MYT1: variants seen among roughly 807,000 people sequenced by gnomAD.
MYT1 encodes the protein myelin transcription factor 1.
In MYT1, 23 loss-of-function variants were observed where a neutral mutation model predicts 123.0. The observed-to-expected ratio is 0.19, with a 90% confidence interval of 0.13 to 0.26. MYT1 has a LOEUF of 0.26. Ranked by LOEUF, MYT1 falls within the 10% of genes least tolerant of loss-of-function variation. The pLI is 1.00. For synonymous variants in MYT1, 518 were observed against 575.3 expected, an observed-to-expected ratio of 0.90 and a Z score of 1.43; for missense variants, 1,125 against 1,472.5, an observed-to-expected ratio of 0.76 and a Z score of 3.86.
chr20:64,236,217 T>C (rs1485201175), intron 19 of MYT1, among the ~76,000 whole-genome samples: 408 of 45,362 alleles, frequency 9.0e-3, no homozygotes, highest in Admixed American at 0.018. Flanking sequence ...CTGGGCTGGC[T>C]GTGGTGGGTG....
rs150904429 is a variant in MYT1 at position 64,173,752 on chromosome 20, C to T, written c.-99+9013C>T. 6.7e-4 allele frequency among the ~76,000 whole-genome samples: 25 copies of T among 37,490 alleles called. 3 individuals carry two copies. The highest frequency in any genetic ancestry group is 2.6e-3 in the South Asian group (1 of 386). The allele number at this position is 37,490 out of a possible 152,430, so 24.6% of individuals were successfully genotyped here. On this transcript the variant is annotated intron_variant, in intron 1 of 22. Coordinates refer to ENST00000328439, the MANE Select transcript of MYT1 (RefSeq NM_004535.3). ...ACTTCTCCTCCTGCAGCATCCTTCC[C>T]TGTAGTTGTGTCCATTTCCCCTCCC...
chr20:64,242,069 T>C lies in MYT1; in HGVS notation c.*1621T>C, dbSNP rs1014270437. 1.3e-5 allele frequency: 2 copies of C among 152,578 alleles called. No individual in the cohort carries two copies. Among genetic ancestry groups the C allele is most frequent in the Admixed American group, 1.3e-4 (2 of 15,290 alleles). 9.5% of individuals were successfully genotyped at this position (152,578 alleles called of 1,614,324 possible). A position where few individuals can be genotyped will look rare whatever the true frequency, so the allele number is the denominator to read the frequency against. On this transcript the variant is annotated 3_prime_UTR_variant, in exon 23 of 23. Coordinates refer to ENST00000328439, the MANE Select transcript of MYT1 (RefSeq NM_004535.3). Reference sequence around the variant, plus strand: ...TGTCGGCTCTTGCGGTGGAGTCCTGTTGCTGTGAGGGAGTGCTGGCCGCAG... The same window carrying C: ...TGTCGGCTCTTGCGGTGGAGTCCTGCTGCTGTGAGGGAGTGCTGGCCGCAG...
In MYT1 at chr20:64,189,523, G is replaced by A. The variant is rs1343867996; in HGVS notation, c.-98-540G>A. Among the ~76,000 whole-genome samples, 3 of 152,196 alleles carry A rather than the reference G, an allele frequency of 2.0e-5. No homozygotes were observed. The highest frequency in any genetic ancestry group is 2.1e-4 in the South Asian group (1 of 4,826). ...GGGCAAAGAGCATGCTGGGGCCCCC[G>A]GGATCCTGCGGGAGGCAAAGCTGAT... On this transcript the variant is annotated intron_variant, in intron 1 of 22. Coordinates refer to ENST00000328439, the MANE Select transcript of MYT1 (RefSeq NM_004535.3). This position sits in a 1 kb window ranked among gnomAD's most constrained non-coding sequence, Gnocchi z 5.5.
rs749822880 is a variant in MYT1, at chr20:64,217,095, G to A, written c.1660G>A (p.Val554Ile). 2 of 1,613,908 alleles carry A rather than the reference G, an allele frequency of 1.2e-6. No homozygotes were observed. Among genetic ancestry groups the A allele is most frequent in the Non-Finnish European group, 1.7e-6 (2 of 1,180,014 alleles). ...CATGTGCTTCGTGAAGCAGCTCGAG[G>A]TCCCTCCATATGGGAGCTACCGGCC... is the stretch of plus-strand genomic sequence containing the variant. ...RPMCFVKQLEVPPYGSYRPNV... is the reference protein window; with the variant it reads ...RPMCFVKQLEIPPYGSYRPNV... Residue 554 changes from valine to isoleucine, a missense_variant, in exon 11 of 23, where the codon GTC becomes ATC. By Grantham distance (29) the Val-to-Ile change is conservative. Coordinates refer to ENST00000328439, the MANE Select transcript of MYT1 (RefSeq NM_004535.3).
Position 64,204,991 on chromosome 20 carries a change from G to A in MYT1, c.87-44G>A, listed in dbSNP as rs774209278. ...AGGTCTGCGACAGGCTCTGAGATCT[G>A]AGCCCATCGCCTGATGTGGCCTTGC... On this transcript the variant is annotated intron_variant, in intron 4 of 22. Transcript: ENST00000328439. 3.8e-6 allele frequency: 6 copies of A among 1,599,958 alleles called. No homozygotes were observed. In the African/African-American group the frequency reaches 5.4e-5, roughly 14 times the overall value.
At chr20:64,182,050 T>G (rs1047629609) in intron 1 of MYT1, among the ~76,000 whole-genome samples, 16 of 152,232 alleles carry the variant, frequency 1.1e-4, no homozygotes, top group African/African-American at 3.6e-4. Flanking sequence ...TGTTTCTAAA[T>G]TTTTATTCTA....
At chr20:64,215,956 G>A (rs1983827270) in intron 10 of MYT1, among the ~76,000 whole-genome samples, 1 of 152,028 alleles carries the variant, frequency 6.6e-6, no homozygotes, top group Non-Finnish European at 1.5e-5. Context: ...TTTTCTATCT[G>A]CCACTGGGGT....
chr20:64,217,265 A>G lies in MYT1; in HGVS notation c.1830A>G (p.Ser610=). 1 of 1,614,228 alleles carries G rather than the reference A, an allele frequency of 6.2e-7. No individual in the cohort carries two copies. The highest frequency in any genetic ancestry group is 8.5e-7 in the Non-Finnish European group (1 of 1,180,032). Residue 610 remains serine (S), a synonymous_variant, in exon 11 of 23, where the codon TCA becomes TCG. Coordinates refer to ENST00000328439, the MANE Select transcript of MYT1 (RefSeq NM_004535.3). ...LAPKIQTSET[S]PKAFQCFDYS... is the part of the protein sequence containing the mutation. The stretch of plus-strand genomic sequence containing the variant: ...CAAAGATTCAGACCAGCGAAACCTC[A>G]CCTAAAGCCTTTCAATGTAAGTTGG...
chr20:64,171,059 G>A (rs1048525735), intron 1 of MYT1, among the ~76,000 whole-genome samples: 10 of 142,860 alleles, frequency 7.0e-5, no homozygotes, highest in African/African-American at 2.1e-4. Context: ...GCAGATGCGT[G>A]CCACCAAGTC....
At chr20:64,217,821 C>T (rs992528449) in intron 11 of MYT1, among the ~76,000 whole-genome samples, 2 of 152,238 alleles carry the variant, frequency 1.3e-5, no homozygotes, top group Non-Finnish European at 2.9e-5. Flanking sequence ...TTATCTGTGA[C>T]ATTAGTAACA....
At position 64,212,850 on chromosome 20, in the gene MYT1, G is replaced by A. The variant is rs535206266; in HGVS notation, c.1518-684G>A. Among the ~76,000 whole-genome samples the A allele has an allele frequency of 2.2e-4, 33 of 152,238 alleles. No individual in the cohort carries two copies. Among genetic ancestry groups the A allele is most frequent in the African/African-American group, 7.0e-4 (29 of 41,536 alleles). ...AAGTGCCATGGGTGGCCGTGGCCTCGGTGGGATATGCTTTCCCCCAGCAGG... is the reference window on the plus strand; with the variant it reads ...AAGTGCCATGGGTGGCCGTGGCCTCAGTGGGATATGCTTTCCCCCAGCAGG... On this transcript the variant is annotated intron_variant, in intron 9 of 22. Transcript: ENST00000328439. This position sits in a 1 kb window ranked among gnomAD's most constrained non-coding sequence, Gnocchi z 6.8.
At position 64,186,906 on chromosome 20, in the gene MYT1, C is replaced by T. The variant is rs1477520798; in HGVS notation, c.-98-3157C>T. ...GGAGACTTTTCCTGTAGCCCGTGGC[C>T]CCGGCATCCATGTTTCCGTGGAGAG... On this transcript the variant is annotated intron_variant, in intron 1 of 22. Transcript: ENST00000328439. This position sits in a 1 kb window ranked among gnomAD's most constrained non-coding sequence, Gnocchi z 4.3. Among the ~76,000 whole-genome samples, 2 of 149,582 alleles carry T rather than the reference C, an allele frequency of 1.3e-5. No homozygotes were observed. The highest frequency in any genetic ancestry group is 2.5e-5 in the African/African-American group (1 of 40,292).
At chr20:64,224,991 G>A (rs949445016) in intron 16 of MYT1, among the ~76,000 whole-genome samples, 5 of 152,080 alleles carry the variant, frequency 3.3e-5, no homozygotes, top group African/African-American at 9.7e-5. Flanking sequence ...GAACCTTAAC[G>A]CCAAACTTCT....
At chr20:64,233,807 G>A (rs1286403736) in intron 19 of MYT1, among the ~76,000 whole-genome samples, 1 of 152,188 alleles carries the variant, frequency 6.6e-6, no homozygotes, top group Non-Finnish European at 1.5e-5. Flanking sequence ...AGCCCTCAGC[G>A]AAGTGGCTGG....
intron 20 of MYT1, among the ~76,000 whole-genome samples, chr20:64,236,923 C>G (rs1328928271): frequency 6.6e-6 from 1 of 152,150 alleles, no homozygotes; most frequent in Non-Finnish European, 1.5e-5. Flanking sequence ...CAGTGGAGCC[C>G]ATGTGCTGTG....
Position 64,189,931 on chromosome 20 carries a change from T to C in MYT1, c.-98-132T>C, listed in dbSNP as rs1325697369. ...TGACCTTGTCTGTTTCTCCGGTGGA[T>C]TCCAGGAAATAGGCATTGAATATAT... On this transcript the variant is annotated intron_variant, in intron 1 of 22. Coordinates refer to ENST00000328439, the MANE Select transcript of MYT1 (RefSeq NM_004535.3). The surrounding 1 kb of genome is among the most constrained non-coding windows in gnomAD (Gnocchi z 5.5). The C allele has an allele frequency of 6.6e-6, 1 of 152,518 alleles. No individual in the cohort carries two copies. The highest frequency in any genetic ancestry group is 6.5e-5 in the Admixed American group (1 of 15,288). The allele number at this position is 152,518 out of a possible 1,614,324, so 9.4% of individuals were successfully genotyped here. A position where few individuals can be genotyped will look rare whatever the true frequency, so the allele number is the denominator to read the frequency against.
rs1983735069 is a variant in MYT1 at position 64,213,212 on chromosome 20, G to C, written c.1518-322G>C. On this transcript the variant is annotated intron_variant, in intron 9 of 22. Coordinates refer to ENST00000328439, the MANE Select transcript of MYT1 (RefSeq NM_004535.3). This position sits in a 1 kb window ranked among gnomAD's most constrained non-coding sequence, Gnocchi z 5.6. ...GGGGTGAGGGCAAGCCTGTCTCCCAGACCCATGCAGAGGAGGCATCTTTGC... is the reference window on the plus strand; with the variant it reads ...GGGGTGAGGGCAAGCCTGTCTCCCACACCCATGCAGAGGAGGCATCTTTGC... Among the ~76,000 whole-genome samples the C allele has an allele frequency of 6.6e-6, 1 of 152,286 alleles. No homozygotes were observed. The highest frequency in any genetic ancestry group is 3.4e-3 in the Middle Eastern group (1 of 294).
At position 64,202,974 on chromosome 20, in the gene MYT1, G is replaced by A. The variant is rs549163707; in HGVS notation, c.87-2061G>A. 6.6e-6 allele frequency among the ~76,000 whole-genome samples: 1 copy of A among 152,336 alleles called. No homozygotes were observed. The highest frequency in any genetic ancestry group is 6.5e-5 in the Admixed American group (1 of 15,300). ...AAATAAGAGCTGAGTGTGCTTGCAG[G>A]TGAACTGCAGGGCTGGCATCTGCTG... On this transcript the variant is annotated intron_variant, in intron 4 of 22. Coordinates refer to ENST00000328439, the MANE Select transcript of MYT1 (RefSeq NM_004535.3). This position sits in a 1 kb window ranked among gnomAD's most constrained non-coding sequence, Gnocchi z 5.0.
chr20:64,216,930 G>C, intron 10 of MYT1, 137 bp from the exon 11 acceptor site: 1 of 762,316 alleles, frequency 1.3e-6, no homozygotes, highest in Admixed American at 2.3e-5. Context: ...AATATGCAGG[G>C]GTAGTGTCTT....
Sources: gnomAD v4.1 joint callset for allele counts (sites outside exome capture counted in the v4.1 genomes callset) on GRCh38, gnomAD v4.1.1 for gene constraint, Gnocchi (gnomAD v3.1) non-coding constraint, MANE v1.5 for transcripts, NCBI Gene and HGNC (gene_info 2026-07-23, HGNC 2026-07-21) for gene names.